The following DLG1 variants were observed in gnomAD, a reference collection of about 807,000 sequenced individuals.
DLG1 encodes disks large homolog 1.
In DLG1, 42 loss-of-function variants were observed where a neutral mutation model predicts 123.4. The observed-to-expected ratio is 0.34, with a 90% CI of 0.27 to 0.44. DLG1 has a LOEUF of 0.44. DLG1 is among the 20% of genes least tolerant of loss of function. The pLI is 1.00. For synonymous variants in DLG1, 317 were observed against 356.2 expected, an observed-to-expected ratio of 0.89 and a Z score of 1.24; for missense variants, 942 against 1,082.6, an observed-to-expected ratio of 0.87 and a Z score of 1.82.
intron 24 of DLG1, among the ~76,000 whole-genome samples, chr3:197,047,561 G>GTAAAA (rs1251834585): frequency 2.0e-5 from 3 of 150,532 alleles, no homozygotes; most frequent in Non-Finnish European, 4.4e-5. Context: ...GACAAGGCGA[G>GTAAAA]TAAAATAAGA....
At chr3:197,065,841 A>G (rs1396337218) in intron 20 of DLG1, 32 bp from the exon 21 acceptor site, 4 of 1,277,440 alleles carry the variant, frequency 3.1e-6, no homozygotes, top group African/African-American at 1.5e-5. Context: ...TAAAAGGAAT[A>G]AACATTCAAC....
At position 197,151,703 on chromosome 3, in the gene DLG1, T is replaced by C. The variant is rs538786447; in HGVS notation, c.484-1907A>G. On this transcript the variant is annotated intron_variant, in intron 5 of 24. Transcript: ENST00000667157. The stretch of plus-strand genomic sequence containing the variant: ...AAGTACTCAGTTTTAAAGAGGTTAA[T>C]AGCTAAAGTAGTTGTGAAATACTCT... Among the ~76,000 whole-genome samples, 14 of 152,324 alleles carry C rather than the reference T, an allele frequency of 9.2e-5. No individual in the cohort carries two copies. In the South Asian group the frequency reaches 1.5e-3, roughly 16 times the overall value.
chr3:197,080,926 T>C, intron 17 of DLG1, 125 bp downstream of exon 17: 8 of 751,218 alleles, frequency 1.1e-5, no homozygotes, highest in Non-Finnish European at 1.7e-5. Flanking sequence ...AATGCTTAAG[T>C]ATCTACCATT....
At chr3:197,139,173 T>G (rs932699022) in intron 8 of DLG1, among the ~76,000 whole-genome samples, 1 of 152,154 alleles carries the variant, frequency 6.6e-6, no homozygotes, top group African/African-American at 2.4e-5. Context: ...TCTCTTTGAT[T>G]GCATGGTATT....
chr3:197,252,564 C>CT (rs1754967137), intron 4 of DLG1, among the ~76,000 whole-genome samples: 1 of 152,040 alleles, frequency 6.6e-6, no homozygotes, highest in Non-Finnish European at 1.5e-5. Flanking sequence ...AGAATGATGG[C>CT]TGAGGGAATG....
intron 4 of DLG1, among the ~76,000 whole-genome samples, chr3:197,238,647 C>T (rs1253494610): frequency 1.3e-5 from 2 of 152,100 alleles, no homozygotes; most frequent in African/African-American, 4.8e-5. Flanking sequence ...TCTCCAGCTA[C>T]AACTGGATGA....
intron 5 of DLG1, among the ~76,000 whole-genome samples, chr3:197,158,128 C>T (rs1430083996): frequency 1.3e-5 from 2 of 152,100 alleles, no homozygotes; most frequent in African/African-American, 2.4e-5. Flanking sequence ...GGTCAAGGAA[C>T]TCATACAGAC....
chr3:197,103,240 T>G (rs1450167403), intron 14 of DLG1, among the ~76,000 whole-genome samples: 5 of 152,184 alleles, frequency 3.3e-5, no homozygotes, highest in African/African-American at 1.2e-4. Context: ...TTAGTTAATA[T>G]TAAGTGAAGT....
chr3:197,071,799 G>A (rs1025201885), intron 18 of DLG1, among the ~76,000 whole-genome samples: 3 of 152,148 alleles, frequency 2.0e-5, no homozygotes, highest in Admixed American at 2.0e-4. Flanking sequence ...GTCAAGCATC[G>A]ATAATGATAT....
At chr3:197,194,766 A>C (rs898415772) in intron 4 of DLG1, among the ~76,000 whole-genome samples, 177 bp from the exon 5 acceptor site, 3 of 152,202 alleles carry the variant, frequency 2.0e-5, no homozygotes, top group African/African-American at 7.2e-5. Context: ...CCAATAATAA[A>C]ATTATTTAAT....
At chr3:197,136,156 A>G (rs1014148869) in intron 10 of DLG1, among the ~76,000 whole-genome samples, 6 of 152,200 alleles carry the variant, frequency 3.9e-5, no homozygotes, top group Non-Finnish European at 7.3e-5. Context: ...TAAGAAACAC[A>G]AAATGGTTGA....
chr3:197,236,426 G>GA (rs1454286646), intron 4 of DLG1, among the ~76,000 whole-genome samples: 3 of 151,868 alleles, frequency 2.0e-5, no homozygotes, highest in Non-Finnish European at 4.4e-5. Flanking sequence ...TCTTCACGCT[G>GA]AAAAAAAATA....
chr3:197,229,005 G>A (rs1031912305), intron 4 of DLG1, among the ~76,000 whole-genome samples: 12 of 152,110 alleles, frequency 7.9e-5, no homozygotes, highest in African/African-American at 2.9e-4. Flanking sequence ...TTTCAACATG[G>A]AACAACTTTG....
At chr3:197,143,748 T>G (rs990449957) in intron 6 of DLG1, among the ~76,000 whole-genome samples, 1 of 152,220 alleles carries the variant, frequency 6.6e-6, no homozygotes, top group African/African-American at 2.4e-5. Context: ...CGACTTGCTC[T>G]TTCCATTACA....
chr3:197,056,042 G>A (rs185764832), intron 23 of DLG1, among the ~76,000 whole-genome samples: 46 of 152,312 alleles, frequency 3.0e-4, no homozygotes, highest in African/African-American at 9.9e-4. Context: ...GAGGGTAGAC[G>A]AACAGGTAGT....
intron 4 of DLG1, among the ~76,000 whole-genome samples, chr3:197,202,637 A>G (rs1158477243): frequency 6.6e-6 from 1 of 152,240 alleles, no homozygotes; most frequent in Non-Finnish European, 1.5e-5. Context: ...AGGCATTCTT[A>G]AAGTGGCAAT....
intron 4 of DLG1, among the ~76,000 whole-genome samples, chr3:197,217,758 T>C (rs916562856): frequency 2.0e-5 from 3 of 152,058 alleles, no homozygotes; most frequent in African/African-American, 7.2e-5. Flanking sequence ...ATCAAACCAG[T>C]AGTTGTCTGG....
At chr3:197,171,089 T>C (rs1007790779) in intron 5 of DLG1, among the ~76,000 whole-genome samples, 4 of 152,182 alleles carry the variant, frequency 2.6e-5, no homozygotes, top group Admixed American at 1.3e-4. Flanking sequence ...GGTTCTTTGT[T>C]TAAAGATGTA....
intron 13 of DLG1, among the ~76,000 whole-genome samples, chr3:197,108,596 A>T (rs1313460414): frequency 6.6e-6 from 1 of 151,592 alleles, no homozygotes; most frequent in Non-Finnish European, 1.5e-5. Context: ...TGACTACATA[A>T]TGATATACTA....
Sources: allele counts gnomAD v4.1 joint callset (sites outside exome capture counted in the v4.1 genomes callset), GRCh38; gene constraint gnomAD v4.1.1; transcripts MANE v1.5; gene names NCBI Gene and HGNC (gene_info 2026-07-23, HGNC 2026-07-21).